MCTP2: variants seen among roughly 807,000 people sequenced by gnomAD.
MCTP2 encodes the protein multiple C2 and transmembrane domain containing 2, also known as multiple C2 and transmembrane domain-containing protein 2.
Under a neutral mutation model 111.6 loss-of-function variants are expected in MCTP2, and 132 were observed. The ratio of observed to expected loss-of-function variants is 1.18; its 90% CI spans 1.03 to 1.37. MCTP2 has a LOEUF of 1.37. Among genes scored for constraint, MCTP2 ranks in the 40% most tolerant of loss-of-function variants. The pLI is 0.00. For missense variants in MCTP2, 1,183 were observed against 1,067.9 expected (o/e 1.11, Z -1.50); for synonymous variants, 395 against 387.7 (o/e 1.02, Z -0.22).
intron 16 of MCTP2, among the ~76,000 whole-genome samples, chr15:94,401,195 G>A (rs1206872142): frequency 1.3e-5 from 2 of 152,044 alleles, no homozygotes; most frequent in South Asian, 2.1e-4. Context: ...CCCTCCGCAC[G>A]TGCCTCTTGC....
intron 13 of MCTP2, among the ~76,000 whole-genome samples, chr15:94,384,652 C>T (rs1420705312): frequency 6.6e-6 from 1 of 152,188 alleles, no homozygotes; most frequent in Non-Finnish European, 1.5e-5. Context: ...TTCAAGGCAC[C>T]TGAACATTGA....
intron 1 of MCTP2, among the ~76,000 whole-genome samples, chr15:94,243,259 ATACATACGTATGCG>A (rs1272018761): frequency 1.7e-4 from 26 of 149,222 alleles, no homozygotes; most frequent in Non-Finnish European, 9.0e-5. Context: ...GCGTATATAC[ATACATACGTATGCG>A]TACATACGTA....
intron 4 of MCTP2, among the ~76,000 whole-genome samples, chr15:94,338,528 ATG>A (rs1225549231): frequency 2.7e-5 from 4 of 148,068 alleles, no homozygotes; most frequent in African/African-American, 1.0e-4. Flanking sequence ...GATCTGAAAA[ATG>A]TGGAGGAGGG....
chr15:94,477,576 T>C (rs1051264777), intron 22 of MCTP2, among the ~76,000 whole-genome samples: 136 of 152,278 alleles, frequency 8.9e-4, no homozygotes, highest in African/African-American at 3.2e-3. Flanking sequence ...GCGTGAAATA[T>C]CATCAAGATG....
chr15:94,455,228 A>G (rs564075459), intron 19 of MCTP2, among the ~76,000 whole-genome samples: 3 of 152,362 alleles, frequency 2.0e-5, no homozygotes, highest in East Asian at 3.9e-4. Flanking sequence ...TTTTCAGCAT[A>G]TATTTTGTTA....
intron 19 of MCTP2, among the ~76,000 whole-genome samples, chr15:94,446,181 G>A (rs1018772680): frequency 2.0e-5 from 3 of 152,150 alleles, no homozygotes; most frequent in Non-Finnish European, 2.9e-5. Context: ...AGACTTTCAG[G>A]GATAACATAG....
rs200737533 is a variant in MCTP2, at chr15:94,407,816, CAT to C, written c.2085+5798_2085+5799del. On this transcript the variant is annotated intron_variant, in intron 17 of 22. Coordinates refer to ENST00000357742, the MANE Select transcript of MCTP2 (RefSeq NM_001385001.1). The stretch of plus-strand genomic sequence containing the variant: ...ACACACACACACACACACACACACA[CAT>C]GCATGAACACGAAGAAGCAGAGGAC... Among the ~76,000 whole-genome samples the C allele has an allele frequency of 7.5e-4, 99 of 132,534 alleles. No homozygotes were observed. The East Asian group carries it at 0.01, about 14-fold the overall frequency. 86.9% of individuals were successfully genotyped at this position (132,534 alleles called of 152,430 possible).
intron 10 of MCTP2, among the ~76,000 whole-genome samples, chr15:94,361,320 C>G (rs535080597): frequency 6.6e-6 from 1 of 152,038 alleles, no homozygotes; most frequent in African/African-American, 2.4e-5. Context: ...TAGATGGACT[C>G]TCTGGGGAAA....
intron 16 of MCTP2, 73 bp from the exon 17 acceptor site, chr15:94,401,826 TC>T: frequency 8.5e-7 from 1 of 1,176,396 alleles, no homozygotes; most frequent in South Asian, 1.7e-5. Context: ...ATTTAAATGA[TC>T]AGGGTACCTG....
intron 8 of MCTP2, among the ~76,000 whole-genome samples, chr15:94,350,598 C>G (rs1431927024): frequency 6.6e-6 from 1 of 152,196 alleles, no homozygotes; most frequent in African/African-American, 2.4e-5. Flanking sequence ...CAGGCTGATG[C>G]ACCAGCCCTG....
chr15:94,470,800 G>A (rs547372036), intron 21 of MCTP2, among the ~76,000 whole-genome samples: 2 of 152,118 alleles, frequency 1.3e-5, no homozygotes, highest in East Asian at 3.9e-4. Flanking sequence ...CCTGCATCAT[G>A]CCCTTGATAT....
chr15:94,232,987 A>G (rs2070294692), intron 1 of MCTP2, among the ~76,000 whole-genome samples: 1 of 152,168 alleles, frequency 6.6e-6, no homozygotes, highest in Admixed American at 6.5e-5. Context: ...GAGTCCAGTA[A>G]TTTGTACAAG....
intron 7 of MCTP2, 112 bp downstream of exon 7, chr15:94,341,036 A>G (rs751413127): frequency 1.7e-5 from 12 of 707,684 alleles, no homozygotes; most frequent in Non-Finnish European, 2.8e-5. Context: ...CAATTATTTT[A>G]GGGGGGGTGC....
chr15:94,347,786 C>T (rs2078062475), intron 8 of MCTP2, among the ~76,000 whole-genome samples: 1 of 152,074 alleles, frequency 6.6e-6, no homozygotes, highest in South Asian at 2.1e-4. Flanking sequence ...TACCTTACAT[C>T]AAATAGTCTA....
At chr15:94,382,928 G>C (rs1428808036) in intron 12 of MCTP2, among the ~76,000 whole-genome samples, 1 of 152,264 alleles carries the variant, frequency 6.6e-6, no homozygotes, top group Non-Finnish European at 1.5e-5. Flanking sequence ...AAAGGGAAGT[G>C]AGTTTTTTGC....
intron 17 of MCTP2, chr15:94,402,859 A>G: frequency 8.2e-7 from 1 of 1,214,244 alleles, no homozygotes; most frequent in Non-Finnish European, 1.0e-6. Context: ...GTGGTCTAAG[A>G]GTGTGAATAT....
intron 1 of MCTP2, among the ~76,000 whole-genome samples, chr15:94,270,290 A>G (rs1002389769): frequency 9.9e-5 from 15 of 152,194 alleles, no homozygotes; most frequent in Non-Finnish European, 1.5e-5. Context: ...GAGCTTGAAC[A>G]GTTTGCATTT....
intron 10 of MCTP2, among the ~76,000 whole-genome samples, chr15:94,358,849 A>G (rs1445625809): frequency 6.6e-6 from 1 of 152,198 alleles, no homozygotes; most frequent in African/African-American, 2.4e-5. Context: ...GAATTATCTA[A>G]ATAAAGTTAA....
rs1367892423 is a variant in MCTP2, at chr15:94,367,593, A to G, written c.1302-12A>G. On this transcript the variant is annotated splice_polypyrimidine_tract_variant and intron_variant, in intron 10 of 22. Transcript: ENST00000357742. Reference sequence around the variant, plus strand: ...TCACTTTTCTCTCTCTTGATTCCTGAAACTTTTCTAGGTGTAAAGTGGATA... The same window carrying G: ...TCACTTTTCTCTCTCTTGATTCCTGGAACTTTTCTAGGTGTAAAGTGGATA... 6.2e-7 allele frequency: 1 copy of G among 1,601,680 alleles called. No individual in the cohort carries two copies. Among genetic ancestry groups the G allele is most frequent in the South Asian group, 1.1e-5 (1 of 89,736 alleles).
Sources: gnomAD v4.1 joint callset for allele counts (sites outside exome capture counted in the v4.1 genomes callset) on GRCh38, gnomAD v4.1.1 for gene constraint, MANE v1.5 for transcripts, NCBI Gene and HGNC (gene_info 2026-07-23, HGNC 2026-07-21) for gene names.